The following KIAA1549L variants were observed in gnomAD, a reference collection of about 807,000 sequenced individuals.
KIAA1549L encodes UPF0606 protein KIAA1549L.
Under a neutral mutation model 160.7 loss-of-function variants are expected in KIAA1549L, and 88 were observed. That is an observed-to-expected ratio of 0.55 (90% CI 0.46 to 0.65). The LOEUF (loss-of-function observed/expected upper bound fraction) is 0.65. Ranked by LOEUF, KIAA1549L falls within the 30% of genes least tolerant of loss-of-function variation. The probability of loss-of-function intolerance (pLI) is 0.00; values close to 1 mark genes in which losing one functional copy is unlikely to be tolerated. For synonymous variants in KIAA1549L, 950 were observed against 976.7 expected (o/e 0.97, Z 0.51); for missense variants, 2,258 against 2,437.5 (o/e 0.93, Z 1.55).
intron 1 of KIAA1549L, among the ~76,000 whole-genome samples, chr11:33,501,577 T>C (rs1179396531): frequency 6.6e-6 from 1 of 152,184 alleles, no homozygotes; most frequent in African/African-American, 2.4e-5. Context: ...GGGAGAAGAC[T>C]GAATGAAGAT....
At chr11:33,623,263 C>G (rs542406734) in intron 16 of KIAA1549L, among the ~76,000 whole-genome samples, 119 of 152,260 alleles carry the variant, frequency 7.8e-4, no homozygotes, top group African/African-American at 2.6e-3. Flanking sequence ...CATTGGGAAG[C>G]AATTGGTTGG....
chr11:33,608,140 G>A (rs543637132), intron 14 of KIAA1549L, among the ~76,000 whole-genome samples: 351 of 152,314 alleles, frequency 2.3e-3, no homozygotes, highest in Non-Finnish European at 4.0e-3. Flanking sequence ...AGGGGTTTGA[G>A]CCTCAGATCT....
At chr11:33,579,732 T>A (rs991807527) in intron 10 of KIAA1549L, among the ~76,000 whole-genome samples, 1 of 152,092 alleles carries the variant, frequency 6.6e-6, no homozygotes, top group Non-Finnish European at 1.5e-5. Flanking sequence ...GAGATTAGAA[T>A]TAAAATCCTG....
intron 1 of KIAA1549L, among the ~76,000 whole-genome samples, chr11:33,537,828 C>T (rs1414024453): frequency 1.3e-5 from 2 of 152,076 alleles, no homozygotes; most frequent in Non-Finnish European, 2.9e-5. Flanking sequence ...TCTTTGAAGG[C>T]CTTAGTTTTA....
chr11:33,446,356 A>C (rs745335068), intron 1 of KIAA1549L, among the ~76,000 whole-genome samples: 1 of 151,994 alleles, frequency 6.6e-6, no homozygotes, highest in Non-Finnish European at 1.5e-5. Context: ...CGGCCTCCCA[A>C]AGTGCTGGGA....
At chr11:33,448,948 C>T (rs1851669058) in intron 1 of KIAA1549L, among the ~76,000 whole-genome samples, 1 of 152,154 alleles carries the variant, frequency 6.6e-6, no homozygotes, top group Non-Finnish European at 1.5e-5. Context: ...ATGATTGTTA[C>T]TCACCTCTTC....
At chr11:33,555,991 A>T (rs1854634483) in intron 6 of KIAA1549L, among the ~76,000 whole-genome samples, 1 of 149,504 alleles carries the variant, frequency 6.7e-6, no homozygotes, top group South Asian at 2.1e-4. Flanking sequence ...TCCAATTAAG[A>T]AATGAGCAAA....
chr11:33,503,559 A>G (rs1354663436), intron 1 of KIAA1549L, among the ~76,000 whole-genome samples: 1 of 152,246 alleles, frequency 6.6e-6, no homozygotes, highest in Admixed American at 6.5e-5. Context: ...TCCCTTTACA[A>G]AGGAATTTAC....
chr11:33,500,821 C>G, intron 1 of KIAA1549L, among the ~76,000 whole-genome samples: 1 of 152,080 alleles, frequency 6.6e-6, no homozygotes, highest in Non-Finnish European at 1.5e-5. Context: ...GAAATGTAGG[C>G]AACACCTTTT....
Position 33,670,114 on chromosome 11 carries a change from AACTC to A in KIAA1549L, c.*1962_*1965del, listed in dbSNP as rs1852622155. ...ACTTGAATGAACAAAGAGCCAAAGA[AACTC>A]AGCCTGTTCATGCAAATGGTATGAG... is the stretch of plus-strand genomic sequence containing the variant. On this transcript the variant is annotated 3_prime_UTR_variant, in exon 21 of 21. Transcript: ENST00000658780. The A allele has an allele frequency of 6.6e-6, 1 of 152,224 alleles. No individual in the cohort carries two copies. The highest frequency in any genetic ancestry group is 2.1e-4 in the South Asian group (1 of 4,830). The allele number at this position is 152,224 out of a possible 1,614,324, so 9.4% of individuals were successfully genotyped here. A position where few individuals can be genotyped will look rare whatever the true frequency, so the allele number is the denominator to read the frequency against.
rs1301758021 is a variant in KIAA1549L, at chr11:33,672,316, A to G, written c.*4162A>G. The G allele has an allele frequency of 6.6e-6, 1 of 152,246 alleles. No individual in the cohort carries two copies. The highest frequency in any genetic ancestry group is 6.6e-5 in the Admixed American group (1 of 15,266). 9.4% of individuals were successfully genotyped at this position (152,246 alleles called of 1,614,324 possible). ...ACACAACCTTTCCTTTTCAGTACCC[A>G]CCACGCTCTGACTAGCATCTCTGTG... is the stretch of plus-strand genomic sequence containing the variant. On this transcript the variant is annotated 3_prime_UTR_variant, in exon 21 of 21. Transcript: ENST00000658780.
At chr11:33,395,939 G>A (rs1195879520) in intron 1 of KIAA1549L, among the ~76,000 whole-genome samples, 2 of 152,134 alleles carry the variant, frequency 1.3e-5, no homozygotes, top group Non-Finnish European at 2.9e-5. Context: ...TACATGCGAA[G>A]TGTAATTTCT....
chr11:33,673,027 T>C lies in KIAA1549L; in HGVS notation c.*4873T>C, dbSNP rs1475390291. 1 of 152,272 alleles carries C rather than the reference T, an allele frequency of 6.6e-6. No homozygotes were observed. The highest frequency in any genetic ancestry group is 1.5e-5 in the Non-Finnish European group (1 of 68,038). 9.4% of individuals were successfully genotyped at this position (152,272 alleles called of 1,614,324 possible). A position where few individuals can be genotyped will look rare whatever the true frequency, so the allele number is the denominator to read the frequency against. ...ATATAATAACTTAGTGTCCTGAGAA[T>C]TGAAAGGCCTCTTGATTTCTTAGGT... is the stretch of plus-strand genomic sequence containing the variant. On this transcript the variant is annotated 3_prime_UTR_variant, in exon 21 of 21. Coordinates refer to ENST00000658780, the MANE Select transcript of KIAA1549L (RefSeq NM_012194.3).
chr11:33,403,288 C>CATGCAG (rs1565121776), intron 1 of KIAA1549L: 1 of 8,586 alleles, frequency 1.2e-4, no homozygotes, highest in Non-Finnish European at 2.9e-4. Context: ...CACAGACACA[C>CATGCAG]ACACACACAC....
chr11:33,525,639 C>G (rs1283248032), intron 1 of KIAA1549L, among the ~76,000 whole-genome samples: 1 of 152,022 alleles, frequency 6.6e-6, no homozygotes, highest in East Asian at 1.9e-4. Flanking sequence ...GCAGAAGTCA[C>G]AGCCAAAGCT....
At chr11:33,629,056 G>T (rs1851200926) in intron 16 of KIAA1549L, among the ~76,000 whole-genome samples, 1 of 151,698 alleles carries the variant, frequency 6.6e-6, no homozygotes, top group African/African-American at 2.4e-5. Flanking sequence ...GCTTAGTTTG[G>T]CTGGATATGA....
At chr11:33,406,554 T>G (rs1265268320) in intron 1 of KIAA1549L, among the ~76,000 whole-genome samples, 1 of 152,216 alleles carries the variant, frequency 6.6e-6, no homozygotes, top group African/African-American at 2.4e-5. Flanking sequence ...CTACCCCCTT[T>G]GCTTATGTTG....
intron 1 of KIAA1549L, among the ~76,000 whole-genome samples, chr11:33,500,012 A>G (rs536637158): frequency 6.6e-6 from 1 of 152,294 alleles, no homozygotes; most frequent in Non-Finnish European, 1.5e-5. Flanking sequence ...CACTGATACC[A>G]GGGTAGCCTT....
intron 16 of KIAA1549L, among the ~76,000 whole-genome samples, chr11:33,624,166 G>A (rs904010023): frequency 6.6e-6 from 1 of 152,210 alleles, no homozygotes; most frequent in Admixed American, 6.5e-5. Flanking sequence ...GCCCTGAAGA[G>A]TTGTCTCAAG....
Sources: gnomAD v4.1 joint callset for allele counts (sites outside exome capture counted in the v4.1 genomes callset) on GRCh38, gnomAD v4.1.1 for gene constraint, MANE v1.5 for transcripts, NCBI Gene and HGNC (gene_info 2026-07-23, HGNC 2026-07-21) for gene names.